Variants in DMTF1 observed in about 807,000 individuals in gnomAD.
DMTF1 encodes cyclin-D-binding Myb-like transcription factor 1.
Under a neutral mutation model 91.1 loss-of-function variants are expected in DMTF1, and 39 were observed. The ratio of observed to expected loss-of-function variants is 0.43; its 90% CI spans 0.33 to 0.56. The LOEUF is 0.56. Among genes scored for constraint, DMTF1 ranks in the 20% least tolerant of loss-of-function variants. DMTF1 has a pLI of 0.05. For synonymous variants in DMTF1, 338 were observed against 309.5 expected, an observed-to-expected ratio of 1.09 and a Z score of -0.97; for missense variants, 750 against 914.5, an observed-to-expected ratio of 0.82 and a Z score of 2.32.
chr7:87,180,856 C>CTTTTTTTTTTTTTTTTTT, intron 8 of DMTF1, among the ~76,000 whole-genome samples: 1 of 127,670 alleles, frequency 7.8e-6, no homozygotes, highest in African/African-American at 2.9e-5. Context: ...TTATTTTCAA[C>CTTTTTTTTTTTTTTTTTT]TTTTTTTTTT....
At chr7:87,172,519 C>T (rs1795299910) in intron 5 of DMTF1, among the ~76,000 whole-genome samples, 1 of 152,204 alleles carries the variant, frequency 6.6e-6, no homozygotes, top group African/African-American at 2.4e-5. Flanking sequence ...CAACTTATCT[C>T]TTTCCAAGAG....
intron 1 of DMTF1, among the ~76,000 whole-genome samples, chr7:87,160,864 A>G (rs1792150028): frequency 6.6e-6 from 1 of 152,152 alleles, no homozygotes; most frequent in African/African-American, 2.4e-5. Flanking sequence ...TCCCAAATTT[A>G]GTGGAGTGCT....
chr7:87,179,773 T>C (rs1049714382), intron 8 of DMTF1, 71 bp downstream of exon 8: 45 of 1,380,240 alleles, frequency 3.3e-5, no homozygotes, highest in South Asian at 1.4e-4. Flanking sequence ...TCCATTTTTT[T>C]AAACAATAGA....
At position 87,171,116 on chromosome 7, in the gene DMTF1, A is replaced by C. The variant is rs773944974; in HGVS notation, c.327+27A>C. 3.4e-6 allele frequency: 5 copies of C among 1,456,670 alleles called. No individual in the cohort carries two copies. In the Admixed American group the frequency reaches 9.0e-5, roughly 26 times the overall value. 90.2% of individuals were successfully genotyped at this position (1,456,670 alleles called of 1,614,324 possible). A position where few individuals can be genotyped will look rare whatever the true frequency, so the allele number is the denominator to read the frequency against. On this transcript the variant is annotated intron_variant, in intron 5 of 17. Transcript: ENST00000331242. ...TATAGTAAATCTTTTAACTGGCCTC[A>C]GGAGGATGATCCTTTACACATTGCT...
At chr7:87,166,069 A>G (rs1793755310) in intron 3 of DMTF1, among the ~76,000 whole-genome samples, 1 of 152,302 alleles carries the variant, frequency 6.6e-6, no homozygotes, top group Admixed American at 6.5e-5. Context: ...AATTTGGCCC[A>G]TAGGCCCCAG....
At position 87,195,131 on chromosome 7, in the gene DMTF1, CTG is replaced by C. The variant is rs754281954; in HGVS notation, c.2276_2277del (p.Cys759SerfsTer4). 4.4e-6 allele frequency: 7 copies of C among 1,606,432 alleles called. No homozygotes were observed. The African/African-American group carries it at 6.7e-5, about 15-fold the overall frequency. On this transcript the variant is annotated frameshift_variant, in exon 18 of 18. Coordinates refer to ENST00000331242, the MANE Select transcript of DMTF1 (RefSeq NM_001142327.2). LOFTEE classifies it high-confidence loss of function. ...CAAAGGATGTCGAAGATTTGGTAAA[CTG>C]TCATTAGAATAATTCTTAGAAATAG... ...DSKDVEDLVNCH is the reference protein window; with the variant it reads ...DSKDVEDLVNXH
chr7:87,190,918 C>A (rs1344738156), intron 13 of DMTF1, 27 bp from the exon 14 acceptor site: 1 of 1,574,424 alleles, frequency 6.4e-7, no homozygotes, highest in Non-Finnish European at 8.6e-7. Flanking sequence ...ATTATTCTTA[C>A]CACAGCTTAC....
intron 7 of DMTF1, among the ~76,000 whole-genome samples, chr7:87,178,246 T>C (rs761337836): frequency 6.6e-5 from 10 of 152,104 alleles, no homozygotes; most frequent in Non-Finnish European, 1.2e-4. Flanking sequence ...TAAAATGTTA[T>C]GTAAACTGTG....
At chr7:87,161,425 C>G (rs1792357996) in intron 1 of DMTF1, among the ~76,000 whole-genome samples, 1 of 152,196 alleles carries the variant, frequency 6.6e-6, no homozygotes, top group African/African-American at 2.4e-5. Context: ...TCACTTGAAC[C>G]TGGGAGGCGG....
chr7:87,182,373 C>T (rs1452831173), intron 10 of DMTF1, 36 bp downstream of exon 10: 1 of 1,603,060 alleles, frequency 6.2e-7, no homozygotes, highest in Admixed American at 1.7e-5. Flanking sequence ...TTTCTTGTCA[C>T]CACTTAAGCC....
rs1801149162 is a variant in DMTF1, at chr7:87,196,003, C to G, written c.*863C>G. 1 of 152,112 alleles carries G rather than the reference C, an allele frequency of 6.6e-6. No homozygotes were observed. The highest frequency in any genetic ancestry group is 1.5e-5 in the Non-Finnish European group (1 of 67,968). The allele number at this position is 152,112 out of a possible 1,614,324, so 9.4% of individuals were successfully genotyped here. ...TAGCTGGTGGGGTACAATATAACCT[C>G]TCATCTCAGGCTATTTTAAAAAAAC... On this transcript the variant is annotated 3_prime_UTR_variant, in exon 18 of 18. Coordinates refer to ENST00000331242, the MANE Select transcript of DMTF1 (RefSeq NM_001142327.2).
intron 1 of DMTF1, among the ~76,000 whole-genome samples, chr7:87,156,011 T>C (rs1215266214): frequency 6.6e-6 from 1 of 152,146 alleles, no homozygotes; most frequent in Non-Finnish European, 1.5e-5. Context: ...TATTTTAGTA[T>C]CTAATGAGTA....
intron 14 of DMTF1, 164 bp from the exon 15 acceptor site, chr7:87,193,034 T>G: frequency 1.5e-6 from 1 of 654,804 alleles, no homozygotes; most frequent in Admixed American, 2.9e-5. Flanking sequence ...TCTTAAACCT[T>G]CAGGCTAGGT....
chr7:87,195,276 GTTGCTGCTA>G lies in DMTF1; in HGVS notation c.*138_*146del. 2 of 619,666 alleles carry G rather than the reference GTTGCTGCTA, an allele frequency of 3.2e-6. No individual in the cohort carries two copies. The allele number at this position is 619,666 out of a possible 1,614,324, so 38.4% of individuals were successfully genotyped here. On this transcript the variant is annotated 3_prime_UTR_variant, in exon 18 of 18. Transcript: ENST00000331242. ...CCACAGTCCTTAAGCCACACACATT[GTTGCTGCTA>G]TGACTTTTTACCTCCTTTAAACACA...
chr7:87,188,952 C>T (rs1338838594), intron 13 of DMTF1, among the ~76,000 whole-genome samples: 3 of 152,098 alleles, frequency 2.0e-5, no homozygotes, highest in Non-Finnish European at 4.4e-5. Flanking sequence ...ATTCTCAGAA[C>T]CATATTCTTC....
intron 7 of DMTF1, among the ~76,000 whole-genome samples, chr7:87,177,434 A>G (rs1469696159): frequency 1.3e-5 from 2 of 152,010 alleles, no homozygotes; most frequent in Non-Finnish European, 2.9e-5. Context: ...GTCTTTCACC[A>G]GTTTTTCTGT....
chr7:87,185,496 G>T (rs1798211670), intron 11 of DMTF1, among the ~76,000 whole-genome samples: 1 of 152,152 alleles, frequency 6.6e-6, no homozygotes, highest in Non-Finnish European at 1.5e-5. Flanking sequence ...GCCACACTAT[G>T]AAACATTGCA....
chr7:87,155,855 A>G (rs1208028757), intron 1 of DMTF1, among the ~76,000 whole-genome samples: 4 of 149,222 alleles, frequency 2.7e-5, no homozygotes, highest in African/African-American at 4.9e-5. Flanking sequence ...TTAATTTTCT[A>G]TCATTTCATA....
rs2129126182 is a variant in DMTF1, at chr7:87,176,652, G to A, written c.519+1983G>A. 1.3e-5 allele frequency among the ~76,000 whole-genome samples: 2 copies of A among 152,308 alleles called. 1 individual carries two copies. Among genetic ancestry groups the A allele is most frequent in the South Asian group, 4.1e-4 (2 of 4,828 alleles). ...CCTGAACTGAATGTTGGGCAAGAAG[G>A]AAAAGGAGTTAGAGCAACTTAAGAG... On this transcript the variant is annotated intron_variant, in intron 7 of 17. Transcript: ENST00000331242.
Sources: gnomAD v4.1 joint callset for allele counts (sites outside exome capture counted in the v4.1 genomes callset) on GRCh38, gnomAD v4.1.1 for gene constraint, MANE v1.5 for transcripts, NCBI Gene and HGNC (gene_info 2026-07-23, HGNC 2026-07-21) for gene names.